PIK3CA: variants seen among roughly 807,000 people sequenced by gnomAD.
PIK3CA encodes the protein phosphatidylinositol-4,5-bisphosphate 3-kinase catalytic subunit alpha.
PIK3CA carries 27 observed loss-of-function variants against 138.2 expected under a neutral mutation model. The ratio of observed to expected loss-of-function variants is 0.20; its 90% confidence interval spans 0.14 to 0.27. The LOEUF (loss-of-function observed/expected upper bound fraction) is 0.27, where lower values mean the gene tolerates loss of function less well. Ranked by LOEUF, PIK3CA falls within the 10% of genes least tolerant of loss-of-function variation. PIK3CA has a pLI of 1.00. For missense variants in PIK3CA, 544 were observed against 1,277.4 expected, an observed-to-expected ratio of 0.43 and a Z score of 8.75; for synonymous variants, 358 against 413.2, an observed-to-expected ratio of 0.87 and a Z score of 1.62.
chr3:179,226,733 A>G (rs1725091354), intron 17 of PIK3CA, among the ~76,000 whole-genome samples: 1 of 152,134 alleles, frequency 6.6e-6, no homozygotes, highest in Non-Finnish European at 1.5e-5. Context: ...TGCCTCTTAT[A>G]AATTTTAAGA....
At chr3:179,163,745 C>T (rs559938880) in intron 1 of PIK3CA, among the ~76,000 whole-genome samples, 1 of 151,914 alleles carries the variant, frequency 6.6e-6, no homozygotes, top group East Asian at 1.9e-4. Flanking sequence ...ATGTTTTTCC[C>T]TGACAGGTAA....
At chr3:179,183,340 T>C (rs962931024) in intron 1 of PIK3CA, among the ~76,000 whole-genome samples, 1 of 152,204 alleles carries the variant, frequency 6.6e-6, no homozygotes, top group African/African-American at 2.4e-5. Flanking sequence ...GTATATCATG[T>C]CTTTCATCCA....
intron 1 of PIK3CA, among the ~76,000 whole-genome samples, chr3:179,190,777 G>GTATGCA (rs1253014818): frequency 3.9e-5 from 6 of 152,170 alleles, no homozygotes; most frequent in Non-Finnish European, 5.9e-5. Flanking sequence ...TAAATGTATC[G>GTATGCA]TATGCATATG....
chr3:179,175,101 G>A (rs1448255447), intron 1 of PIK3CA, among the ~76,000 whole-genome samples: 1 of 152,160 alleles, frequency 6.6e-6, no homozygotes, highest in Admixed American at 6.5e-5. Context: ...CTGTGTTGAA[G>A]CATTGATTCC....
At chr3:179,174,198 TG>T (rs1283534824) in intron 1 of PIK3CA, among the ~76,000 whole-genome samples, 1 of 151,922 alleles carries the variant, frequency 6.6e-6, no homozygotes, top group Non-Finnish European at 1.5e-5. Flanking sequence ...AGGCCGAGCA[TG>T]GTGGCTCATG....
At chr3:179,201,661 A>G (rs2108390631) in intron 4 of PIK3CA, 121 bp downstream of exon 4, 1 of 647,414 alleles carries the variant, frequency 1.5e-6, no homozygotes, top group Non-Finnish European at 2.5e-6. Flanking sequence ...GCTGGAGTGC[A>G]GTGGCGCGAT....
At chr3:179,201,143 T>G (rs909475822) in intron 3 of PIK3CA, 147 bp from the exon 4 acceptor site, 2 of 665,570 alleles carry the variant, frequency 3.0e-6, no homozygotes, top group African/African-American at 3.6e-5. Context: ...ATTTTCTGTT[T>G]CTACCTGATA....
rs1408781145 is a variant in PIK3CA, at chr3:179,238,852, T to G, written c.*4488T>G. ...GTAAAGAAATATCAAGGTTCTAAAA[T>G]TCGGAAGAGTTTAGAATTTATTAGG... is the stretch of plus-strand genomic sequence containing the variant. On this transcript the variant is annotated 3_prime_UTR_variant, in exon 21 of 21. Coordinates refer to ENST00000263967, the MANE Select transcript of PIK3CA (RefSeq NM_006218.4). 8 of 220,708 alleles carry G rather than the reference T, an allele frequency of 3.6e-5. No homozygotes were observed. The highest frequency in any genetic ancestry group is 9.0e-5 in the African/African-American group (4 of 44,604). 13.7% of individuals were successfully genotyped at this position (220,708 alleles called of 1,614,324 possible).
At chr3:179,216,380 A>G (rs914631815) in intron 9 of PIK3CA, among the ~76,000 whole-genome samples, 10 of 151,816 alleles carry the variant, frequency 6.6e-5, no homozygotes, top group African/African-American at 2.4e-4. Flanking sequence ...CTTTTATTAT[A>G]TGCACCAAAA....
intron 9 of PIK3CA, among the ~76,000 whole-genome samples, chr3:179,212,092 CT>C (rs142206609): frequency 0.038 from 5,707 of 151,986 alleles, 357 homozygotes; most frequent in African/African-American, 0.13. Context: ...ACTGCAACCT[CT>C]GCCTCCCGGG....
intron 14 of PIK3CA, 70 bp from the exon 15 acceptor site, chr3:179,224,011 G>A (rs1223034096): frequency 6.1e-6 from 5 of 825,256 alleles, no homozygotes; most frequent in African/African-American, 3.4e-5. Context: ...ATGTGAGAAA[G>A]AGATTAGCAG....
chr3:179,207,197 C>T (rs1724584545), intron 6 of PIK3CA, among the ~76,000 whole-genome samples: 1 of 152,088 alleles, frequency 6.6e-6, no homozygotes, highest in African/African-American at 2.4e-5. Flanking sequence ...CAAATCTGTG[C>T]TTCTTTTATG....
At chr3:179,150,479 G>A (rs1010892623) in intron 1 of PIK3CA, among the ~76,000 whole-genome samples, 2 of 152,142 alleles carry the variant, frequency 1.3e-5, no homozygotes, top group African/African-American at 4.8e-5. Flanking sequence ...TGTAAATATA[G>A]AAGAGTGTTT....
At chr3:179,187,410 C>T (rs1324547979) in intron 1 of PIK3CA, among the ~76,000 whole-genome samples, 4 of 150,052 alleles carry the variant, frequency 2.7e-5, no homozygotes, top group Admixed American at 1.3e-4. Context: ...TGGTGGCGGG[C>T]GCCTGTAGTC....
At chr3:179,223,824 C>G (rs950679042) in intron 14 of PIK3CA, among the ~76,000 whole-genome samples, 1 of 152,130 alleles carries the variant, frequency 6.6e-6, no homozygotes, top group South Asian at 2.1e-4. Flanking sequence ...TGCTCTACAG[C>G]CAAAAGCATT....
At chr3:179,183,332 A>G (rs1383347039) in intron 1 of PIK3CA, among the ~76,000 whole-genome samples, 1 of 152,178 alleles carries the variant, frequency 6.6e-6, no homozygotes, top group Non-Finnish European at 1.5e-5. Context: ...TTTTTACTGT[A>G]TATCATGTCT....
At position 179,235,024 on chromosome 3, in the gene PIK3CA, A is replaced by G. The variant is rs1725303082; in HGVS notation, c.*660A>G. ...TCTGCAGTTTTGGAAGCAGTCACAA[A>G]TGAGACCTGTTATAAGGTGGTATTT... On this transcript the variant is annotated 3_prime_UTR_variant, in exon 21 of 21. Coordinates refer to ENST00000263967, the MANE Select transcript of PIK3CA (RefSeq NM_006218.4). 1 of 208,684 alleles carries G rather than the reference A, an allele frequency of 4.8e-6. No individual in the cohort carries two copies. Among genetic ancestry groups the G allele is most frequent in the Non-Finnish European group, 9.7e-6 (1 of 102,722 alleles). The allele number at this position is 208,684 out of a possible 1,614,324, so 12.9% of individuals were successfully genotyped here.
At chr3:179,210,367 AT>A (rs770393734) in intron 8 of PIK3CA, 29 bp downstream of exon 8, 1 of 1,582,724 alleles carries the variant, frequency 6.3e-7, no homozygotes, top group Non-Finnish European at 8.5e-7. Context: ...TAAATTAGAT[AT>A]TTTTTATGGC....
rs371541151 is a variant in PIK3CA at position 179,229,468 on chromosome 3, A to C, written c.2666+26A>C. ...GTGAGTTGTATTATTCTTTCTTCCT[A>C]TGTTAATCTAAGTTTTTGTTAGATG... On this transcript the variant is annotated intron_variant, in intron 18 of 20. Transcript: ENST00000263967. 35 of 1,575,164 alleles carry C rather than the reference A, an allele frequency of 2.2e-5. No homozygotes were observed. The African/African-American group carries it at 4.1e-4, about 18-fold the overall frequency.
Sources: allele counts gnomAD v4.1 joint callset (sites outside exome capture counted in the v4.1 genomes callset), GRCh38; gene constraint gnomAD v4.1.1; transcripts MANE v1.5; gene names NCBI Gene and HGNC (gene_info 2026-07-23, HGNC 2026-07-21).